The following CDYL variants were observed in gnomAD, a reference collection of about 807,000 sequenced individuals.
CDYL encodes the protein chromodomain Y like.
CDYL carries 8 observed loss-of-function variants against 47.3 expected under a neutral mutation model. That is an observed-to-expected ratio of 0.17 (90% CI 0.10 to 0.31). CDYL has a LOEUF of 0.31. Among genes scored for constraint, CDYL ranks in the 10% least tolerant of loss-of-function variants. CDYL has a pLI of 1.00. For missense variants in CDYL, 471 were observed against 701.4 expected, an observed-to-expected ratio of 0.67 and a Z score of 3.71; for synonymous variants, 266 against 265.0, an observed-to-expected ratio of 1.00 and a Z score of -0.04.
intron 5 of CDYL, among the ~76,000 whole-genome samples, chr6:4,948,420 G>A (rs951703823): frequency 1.3e-5 from 2 of 152,186 alleles, no homozygotes; most frequent in Non-Finnish European, 2.9e-5. Flanking sequence ...CCTGCCCTCT[G>A]GTCAGCCGTG....
chr6:4,840,146 A>G (rs1337447294), intron 1 of CDYL, among the ~76,000 whole-genome samples: 5 of 145,488 alleles, frequency 3.4e-5, no homozygotes, highest in African/African-American at 5.1e-5. Context: ...CCTTAGATCC[A>G]CTCCTAAGCA....
intron 1 of CDYL, among the ~76,000 whole-genome samples, chr6:4,864,705 C>T (rs1178406952): frequency 2.0e-5 from 3 of 152,182 alleles, no homozygotes; most frequent in Non-Finnish European, 2.9e-5. Flanking sequence ...GCTGCTTCCT[C>T]ATTTTTCTGT....
intron 1 of CDYL, among the ~76,000 whole-genome samples, chr6:4,887,194 C>T (rs1761921395): frequency 6.6e-6 from 1 of 152,086 alleles, no homozygotes; most frequent in Non-Finnish European, 1.5e-5. Context: ...CTTACCAATT[C>T]CGTGTGAATT....
chr6:4,807,591 C>CTTTTTTTTTTTTTTTTTTTTT (rs70974139), intron 1 of CDYL, among the ~76,000 whole-genome samples: 1 of 42,898 alleles, frequency 2.3e-5, no homozygotes, highest in Admixed American at 4.4e-4. Flanking sequence ...TCATTCATGT[C>CTTTTTTTTTTTTTTTTTTTTT]TTTTTTTTTT....
At chr6:4,836,291 G>A in intron 1 of CDYL, 2 of 983,710 alleles carry the variant, frequency 2.0e-6, no homozygotes, top group Non-Finnish European at 2.4e-6. Context: ...GAAGAAAAAA[G>A]TTGCATAGAA....
intron 2 of CDYL, among the ~76,000 whole-genome samples, chr6:4,731,613 A>G (rs990257715): frequency 2.0e-5 from 3 of 152,164 alleles, no homozygotes; most frequent in African/African-American, 7.2e-5. Context: ...CGCCTGGCCA[A>G]CATAGTGAAA....
At chr6:4,908,197 G>A (rs577591596) in intron 2 of CDYL, among the ~76,000 whole-genome samples, 3 of 152,312 alleles carry the variant, frequency 2.0e-5, no homozygotes, top group East Asian at 3.9e-4. Flanking sequence ...AGAGATGGGT[G>A]TGGTCCCTCA....
intron 1 of CDYL, among the ~76,000 whole-genome samples, chr6:4,827,096 T>A (rs1055312785): frequency 6.6e-6 from 1 of 152,260 alleles, no homozygotes; most frequent in Non-Finnish European, 1.5e-5. Flanking sequence ...GTCTGTTTTG[T>A]CTGATATTAG....
intron 1 of CDYL, among the ~76,000 whole-genome samples, chr6:4,820,542 G>A (rs1280253802): frequency 1.3e-5 from 2 of 152,114 alleles, no homozygotes; most frequent in Admixed American, 6.5e-5. Flanking sequence ...TTGGACCTTC[G>A]GGAGGCATCC....
chr6:4,752,295 A>C (rs1758006857), intron 3 of CDYL, among the ~76,000 whole-genome samples: 2 of 152,142 alleles, frequency 1.3e-5, no homozygotes, highest in Admixed American at 1.3e-4. Context: ...AATGTTGTGA[A>C]GGGCAATGAG....
intron 2 of CDYL, among the ~76,000 whole-genome samples, chr6:4,905,405 T>C (rs1002365323): frequency 2.0e-5 from 3 of 152,144 alleles, no homozygotes; most frequent in African/African-American, 7.2e-5. Flanking sequence ...ACCTGAACTG[T>C]CTCCTCAGCT....
At chr6:4,725,655 C>T (rs1757498491) in intron 2 of CDYL, among the ~76,000 whole-genome samples, 1 of 152,248 alleles carries the variant, frequency 6.6e-6, no homozygotes, top group Non-Finnish European at 1.5e-5. Flanking sequence ...CTGCAAGCAC[C>T]GCGCACAGCC....
At chr6:4,875,755 T>G (rs1761603021) in intron 1 of CDYL, among the ~76,000 whole-genome samples, 1 of 152,196 alleles carries the variant, frequency 6.6e-6, no homozygotes, top group Admixed American at 6.5e-5. Flanking sequence ...TTATGAAAAT[T>G]TTAAACATAC....
intron 1 of CDYL, among the ~76,000 whole-genome samples, chr6:4,778,853 G>C (rs930943894): frequency 6.6e-6 from 1 of 152,058 alleles, no homozygotes; most frequent in Non-Finnish European, 1.5e-5. Flanking sequence ...TGGCAGTTGA[G>C]AGCCTAGATT....
At chr6:4,791,742 G>C (rs1292145197) in intron 1 of CDYL, among the ~76,000 whole-genome samples, 2 of 151,844 alleles carry the variant, frequency 1.3e-5, no homozygotes, top group African/African-American at 4.8e-5. Flanking sequence ...CTACCACCCT[G>C]GTCTAACTAC....
chr6:4,860,648 AAAT>A (rs1353463301), intron 1 of CDYL, among the ~76,000 whole-genome samples: 3 of 147,848 alleles, frequency 2.0e-5, no homozygotes, highest in African/African-American at 4.9e-5. Flanking sequence ...TATAATATAT[AAAT>A]AATATATATA....
At chr6:4,926,406 C>G (rs1757875018) in intron 2 of CDYL, among the ~76,000 whole-genome samples, 1 of 152,158 alleles carries the variant, frequency 6.6e-6, no homozygotes, top group Non-Finnish European at 1.5e-5. Context: ...TAACTTCAGA[C>G]CAAAGACAAC....
At chr6:4,832,189 T>C in intron 1 of CDYL, among the ~76,000 whole-genome samples, 1 of 152,212 alleles carries the variant, frequency 6.6e-6, no homozygotes. Context: ...TTTTGTCCAT[T>C]CAGTATGTTA....
intron 2 of CDYL, among the ~76,000 whole-genome samples, chr6:4,721,272 T>A (rs1757364233): frequency 6.6e-6 from 1 of 152,086 alleles, no homozygotes; most frequent in Admixed American, 6.5e-5. Flanking sequence ...ATTTCCTTTT[T>A]CTTAAAAAAA....
Sources: allele counts gnomAD v4.1 joint callset (sites outside exome capture counted in the v4.1 genomes callset), GRCh38; gene constraint gnomAD v4.1.1; transcripts MANE v1.5; gene names NCBI Gene and HGNC (gene_info 2026-07-23, HGNC 2026-07-21).